The following ABCA1 variants were observed in gnomAD, a reference collection of about 807,000 sequenced individuals.
The protein encoded by ABCA1 is phospholipid-transporting ATPase ABCA1.
A neutral mutation model predicts 262.5 loss-of-function variants in ABCA1; 133 were observed. The ratio of observed to expected loss-of-function variants is 0.51; its 90% CI spans 0.44 to 0.59. The LOEUF is 0.59. Ranked by LOEUF, ABCA1 falls within the 20% of genes least tolerant of loss-of-function variation. The probability of loss-of-function intolerance (pLI) is 0.00; values close to 1 mark genes in which losing one functional copy is unlikely to be tolerated. For synonymous variants in ABCA1, 1,022 were observed against 1,043.5 expected (o/e 0.98, Z 0.40); for missense variants, 2,452 against 2,777.5 (o/e 0.88, Z 2.63).
At chr9:104,826,901 G>A in intron 16 of ABCA1, 47 bp downstream of exon 16, 2 of 1,552,868 alleles carry the variant, frequency 1.3e-6, no homozygotes, top group Non-Finnish European at 1.8e-6. Flanking sequence ...GACTCCAAAG[G>A]AAGGTCAAAT....
chr9:104,923,069 A>C (rs1364461840), intron 1 of ABCA1, among the ~76,000 whole-genome samples: 2 of 152,230 alleles, frequency 1.3e-5, no homozygotes, highest in Non-Finnish European at 2.9e-5. Context: ...GTATATCTTA[A>C]GAAAAAACTA....
In ABCA1 at chr9:104,819,683, G is replaced by A. The variant is rs376835934; in HGVS notation, c.3144C>T (p.Val1048=). 4.3e-5 allele frequency: 69 copies of A among 1,614,148 alleles called. No homozygotes were observed. Among genetic ancestry groups the A allele is most frequent in the Admixed American group, 1.0e-4 (6 of 60,012 alleles). Residue 1048 remains valine (V), a synonymous_variant, in exon 22 of 50, where the codon GTC becomes GTT. Transcript: ENST00000374736. ...CCAGAATGACAACCTTAGATCCCCC[G>A]ACAAAGGCCAAGGCCACAGATAGCT... The part of the protein sequence containing the change: ...QRKLSVALAF[V]GGSKVVILDE...
At chr9:104,892,414 C>CTGGGGG (rs955889282) in intron 2 of ABCA1, among the ~76,000 whole-genome samples, 2 of 60,788 alleles carry the variant, frequency 3.3e-5, no homozygotes, top group Admixed American at 5.5e-4. Context: ...CTCAATAAAG[C>CTGGGGG]TGGGGGTGGG....
At chr9:104,912,255 C>T (rs919752745) in intron 1 of ABCA1, among the ~76,000 whole-genome samples, 3 of 152,094 alleles carry the variant, frequency 2.0e-5, no homozygotes, top group African/African-American at 2.4e-5. Context: ...AGATCCTGAC[C>T]GGGTGTGGCG....
intron 19 of ABCA1, among the ~76,000 whole-genome samples, chr9:104,822,244 C>G (rs1020609891): frequency 6.6e-6 from 1 of 152,222 alleles, no homozygotes; most frequent in African/African-American, 2.4e-5. Flanking sequence ...TCCAAGACCA[C>G]TGCAGAATTC....
intron 8 of ABCA1, among the ~76,000 whole-genome samples, chr9:104,843,514 A>G (rs993498063): frequency 2.8e-4 from 42 of 152,196 alleles, no homozygotes; most frequent in African/African-American, 1.0e-3. Context: ...TTGGAATCCA[A>G]CAGTTCTGGG....
chr9:104,797,849 T>A (rs116570904), intron 37 of ABCA1, among the ~76,000 whole-genome samples: 2,670 of 152,306 alleles, frequency 0.018, 86 homozygotes, highest in African/African-American at 0.061. Flanking sequence ...TAGCTTATAA[T>A]TAATAGAAGT....
At chr9:104,822,347 T>C (rs779334500) in intron 19 of ABCA1, 149 bp downstream of exon 19, 1 of 1,079,166 alleles carries the variant, frequency 9.3e-7, no homozygotes, top group East Asian at 2.4e-5. Flanking sequence ...AAGACACTCA[T>C]GATTAGATAA....
intron 19 of ABCA1, 50 bp downstream of exon 19, chr9:104,822,446 T>G (rs780769104): frequency 7.5e-6 from 12 of 1,608,838 alleles, no homozygotes; most frequent in Non-Finnish European, 1.0e-5. Flanking sequence ...CTAACTCTAC[T>G]GCAGAACCCT....
intron 15 of ABCA1, among the ~76,000 whole-genome samples, chr9:104,828,685 C>T (rs1449700487): frequency 6.6e-6 from 1 of 152,208 alleles, no homozygotes; most frequent in Non-Finnish European, 1.5e-5. Flanking sequence ...AGCATGAACC[C>T]TGCACTCTCA....
rs758640488 is a variant in ABCA1, at chr9:104,796,406, C to T, written c.5140G>A (p.Ala1714Thr). ...ATGAAGATGATAATGACCAGTGTGG[C>T]AGGGACAACGTAATTGCACTAAAAG... is the stretch of plus-strand genomic sequence containing the variant. ...VWDMCNYVVP[A>T]TLVIIIFICF... Residue 1714 changes from alanine to threonine, a missense_variant, in exon 38 of 50, where the codon GCC becomes ACC. By Grantham distance (58) the Ala-to-Thr change is moderately conservative. Transcript: ENST00000374736. 3 of 1,613,918 alleles carry T rather than the reference C, an allele frequency of 1.9e-6. No homozygotes were observed. Among genetic ancestry groups the T allele is most frequent in the East Asian group, 4.5e-5 (2 of 44,888 alleles).
At chr9:104,825,491 G>GA in intron 17 of ABCA1, 192 bp downstream of exon 17, 1 of 656,962 alleles carries the variant, frequency 1.5e-6, no homozygotes, top group Non-Finnish European at 2.7e-6. Context: ...CAGTTTTCAA[G>GA]AAACAAGTGC....
chr9:104,893,175 C>A (rs113420549), intron 2 of ABCA1, among the ~76,000 whole-genome samples: 2 of 152,126 alleles, frequency 1.3e-5, no homozygotes, highest in South Asian at 4.1e-4. Flanking sequence ...GTAATCCCAG[C>A]ACTTTGGGAG....
chr9:104,889,873 C>T (rs1839555175), intron 2 of ABCA1, among the ~76,000 whole-genome samples: 1 of 152,228 alleles, frequency 6.6e-6, no homozygotes, highest in African/African-American at 2.4e-5. Flanking sequence ...CAAAGTCCTT[C>T]CCCATCTGTC....
chr9:104,810,660 A>G, intron 29 of ABCA1, 140 bp downstream of exon 29: 1 of 1,331,234 alleles, frequency 7.5e-7, no homozygotes, highest in South Asian at 1.2e-5. Context: ...TGCATGCAGT[A>G]TTAGCTTATA....
rs1833041000 is a variant in ABCA1, at chr9:104,829,123, C to T, written c.1908G>A (p.Met636Ile). ...CYVDDIFLRV[M>I]SRSMPLFMTL... ...TCATGAAGAGGGGCATTGACCGGCT[C>T]ATCACCCGCAGAAAGCTGGAGGCCC... The change falls in exon 15 of 50, where the codon ATG (methionine) becomes ATA (isoleucine). Residue 636 changes from methionine to isoleucine, a missense_variant. This residue lies in a region of ABCA1 where 1,032 missense variants were observed against 1,089.7 expected (regional missense o/e 0.95). Coordinates refer to ENST00000374736, the MANE Select transcript of ABCA1 (RefSeq NM_005502.4). 2 of 1,614,140 alleles carry T rather than the reference C, an allele frequency of 1.2e-6. No homozygotes were observed. The highest frequency in any genetic ancestry group is 4.5e-5 in the East Asian group (2 of 44,876).
At position 104,819,580 on chromosome 9, in the gene ABCA1, A is replaced by G; in HGVS notation, c.3241+6T>C. On this transcript the variant is annotated splice_donor_region_variant and intron_variant, in intron 22 of 49. Coordinates refer to ENST00000374736, the MANE Select transcript of ABCA1 (RefSeq NM_005502.4). ...CATTTACTCAGAATAAATACACATC[A>G]GGCACCTTGTCGGTATTTCAGCAGC... The G allele has an allele frequency of 2.5e-6, 4 of 1,614,110 alleles. No individual in the cohort carries two copies. Among genetic ancestry groups the G allele is most frequent in the Non-Finnish European group, 3.4e-6 (4 of 1,180,028 alleles).
intron 1 of ABCA1, among the ~76,000 whole-genome samples, chr9:104,917,748 G>A (rs191361496): frequency 6.6e-5 from 10 of 150,586 alleles, no homozygotes; most frequent in South Asian, 4.2e-4. Flanking sequence ...AGCAAGACTC[G>A]TCTCAAAAAA....
rs1831411808 is a variant in ABCA1, at chr9:104,812,975, G to C, written c.3902-253C>G. On this transcript the variant is annotated intron_variant, in intron 27 of 49. Transcript: ENST00000374736. ...AAAAGAAAGGTGTCTTGAGACAACTGAAAAGAGGTGTTCATGCGTAACCAG... is the reference window on the plus strand; with the variant it reads ...AAAAGAAAGGTGTCTTGAGACAACTCAAAAGAGGTGTTCATGCGTAACCAG... Among the ~76,000 whole-genome samples, 3 of 152,320 alleles carry C rather than the reference G, an allele frequency of 2.0e-5. No homozygotes were observed. The South Asian group carries it at 6.2e-4, about 32-fold the overall frequency.
Sources: gnomAD v4.1 joint callset for allele counts (sites outside exome capture counted in the v4.1 genomes callset) on GRCh38, gnomAD v4.1.1 for gene constraint, gnomAD v4.1.1 regional missense constraint, MANE v1.5 for transcripts, NCBI Gene and HGNC (gene_info 2026-07-23, HGNC 2026-07-21) for gene names.